DMBT1: variants seen among roughly 807,000 people sequenced by gnomAD.
DMBT1 encodes deleted in malignant brain tumors 1.
A neutral mutation model predicts 252.9 loss-of-function variants in DMBT1; 198 were observed. That is an observed-to-expected ratio of 0.78 (90% CI 0.70 to 0.88). The LOEUF (loss-of-function observed/expected upper bound fraction) is 0.88. Among genes scored for constraint, DMBT1 ranks in the 40% least tolerant of loss-of-function variants. The pLI is 0.00. For synonymous variants in DMBT1, 990 were observed against 942.7 expected, an observed-to-expected ratio of 1.05 and a Z score of -0.92; for missense variants, 2,432 against 2,404.7, an observed-to-expected ratio of 1.01 and a Z score of -0.24.
In DMBT1 at chr10:122,577,840, G is replaced by C; in HGVS notation, c.637G>C (p.Glu213Gln). The change falls in exon 8 of 56, where the codon GAA (glutamate) becomes CAA (glutamine). Residue 213 changes from glutamate (E) to glutamine (Q), a missense_variant and splice_region_variant. Glu to Gln is a conservative substitution (Grantham distance 29). Coordinates refer to ENST00000338354, the MANE Select transcript of DMBT1 (RefSeq NM_001377530.1). Reference protein sequence around the residue: ...AAQPQSTLRPESWPVRISPPV... With the variant: ...AAQPQSTLRPQSWPVRISPPV... ...CCAGCCTCAGTCAACACTCAGGCCA[G>C]GTGAGTCCCCAGAATCCTTCCTCGG... is the stretch of plus-strand genomic sequence containing the variant. The C allele has an allele frequency of 1.2e-6, 2 of 1,613,706 alleles. No individual in the cohort carries two copies. The highest frequency in any genetic ancestry group is 1.7e-6 in the Non-Finnish European group (2 of 1,179,734).
chr10:122,570,837 C>T (rs2097655164), intron 3 of DMBT1, 53 bp from the exon 4 acceptor site: 6 of 1,594,806 alleles, frequency 3.8e-6, no homozygotes, highest in South Asian at 1.1e-5. Context: ...ATGGACCAAC[C>T]CTCCCCAAAC....
chr10:122,568,978 C>T (rs3013233), intron 2 of DMBT1, among the ~76,000 whole-genome samples: 104,612 of 152,134 alleles, frequency 0.69, 36,168 homozygotes, highest in East Asian at 0.77. Flanking sequence ...AGTATGTGTG[C>T]GTACATATGT....
In DMBT1 at chr10:122,570,239, G is replaced by A. The variant is rs755159428; in HGVS notation, c.139+30G>A. ...GGTCTATTATGGGGGAACCCTGTGG[G>A]CTCATTACCCCACTGCACCCCTAGG... On this transcript the variant is annotated intron_variant, in intron 3 of 55. Transcript: ENST00000338354. The A allele has an allele frequency of 1.3e-5, 19 of 1,507,586 alleles. No individual in the cohort carries two copies. The African/African-American group carries it at 1.9e-4, about 15-fold the overall frequency. The allele number at this position is 1,507,586 out of a possible 1,614,324, so 93.4% of individuals were successfully genotyped here.
intron 2 of DMBT1, 31 bp from the exon 3 acceptor site, chr10:122,570,131 A>G (rs776385160): frequency 1.5e-5 from 24 of 1,577,152 alleles, no homozygotes; most frequent in Middle Eastern, 3.3e-4. Context: ...AAGGGCTACC[A>G]TCAATGAGCT....
At chr10:122,577,011 T>C (rs1179629224) in intron 7 of DMBT1, among the ~76,000 whole-genome samples, 1 of 152,192 alleles carries the variant, frequency 6.6e-6, no homozygotes, top group Non-Finnish European at 1.5e-5. Flanking sequence ...GGCCTGTGGG[T>C]ACAATGCCAC....
At chr10:122,600,549 A>G (rs71486620) in intron 27 of DMBT1, among the ~76,000 whole-genome samples, 41 of 152,270 alleles carry the variant, frequency 2.7e-4, no homozygotes, top group Middle Eastern at 6.8e-3. Context: ...GAAAAGGCAG[A>G]GTTTGTGCTT....
At position 122,619,380 on chromosome 10, in the gene DMBT1, T is replaced by A. The variant is rs555922192; in HGVS notation, c.5245+43T>A. 4.3e-6 allele frequency: 7 copies of A among 1,613,470 alleles called. No homozygotes were observed. The South Asian group carries it at 6.6e-5, about 15-fold the overall frequency. ...TTCATCGGGATGTCCCTTCTCTTTCTGCCCAGTTACCTCTTCCCCACTCCA... is the reference window on the plus strand; with the variant it reads ...TTCATCGGGATGTCCCTTCTCTTTCAGCCCAGTTACCTCTTCCCCACTCCA... On this transcript the variant is annotated intron_variant, in intron 42 of 55. Coordinates refer to ENST00000338354, the MANE Select transcript of DMBT1 (RefSeq NM_001377530.1).
rs371606822 is a variant in DMBT1, at chr10:122,625,303, G to A, written c.5635G>A (p.Asp1879Asn). 1.9e-5 allele frequency: 30 copies of A among 1,610,580 alleles called. No homozygotes were observed. Among genetic ancestry groups the A allele is most frequent in the Non-Finnish European group, 2.3e-5 (27 of 1,178,396 alleles). The change falls in exon 45 of 56, where the codon GAT (aspartate) becomes AAT (asparagine). Residue 1879 changes from aspartate to asparagine, a missense_variant and splice_region_variant. Around this residue, in one of 3 missense-constraint regions of DMBT1, gnomAD observed 1,162 missense variants for 1,169.0 expected, o/e 0.99. Transcript: ENST00000338354. The stretch of plus-strand genomic sequence containing the variant: ...CACCCAAATAAATTCTACTACGACA[G>A]GTGAGTCTGCTACACCCCAGTCCAG... The part of the protein sequence containing the change: ...SATQINSTTT[D>N]WWHPTTTTTA...
At chr10:122,624,802 C>T (rs2098103914) in intron 44 of DMBT1, among the ~76,000 whole-genome samples, 1 of 152,218 alleles carries the variant, frequency 6.6e-6, no homozygotes, top group African/African-American at 2.4e-5. Context: ...ATGGCTGGCT[C>T]TCCCACAGCT....
chr10:122,617,906 C>G (rs1248108792), intron 40 of DMBT1, 111 bp from the exon 41 acceptor site: 1 of 1,538,554 alleles, frequency 6.5e-7, no homozygotes, highest in Non-Finnish European at 8.8e-7. Context: ...GCAATTGTGA[C>G]TGCTTGCCCA....
intron 7 of DMBT1, 46 bp from the exon 8 acceptor site, chr10:122,577,765 A>G (rs1478028607): frequency 5.6e-6 from 9 of 1,610,734 alleles, no homozygotes; most frequent in South Asian, 2.2e-5. Flanking sequence ...CTCTACTTGG[A>G]GTCACTGAGT....
In DMBT1 at chr10:122,633,271, A is replaced by G. The variant is rs753271049; in HGVS notation, c.6478A>G (p.Asn2160Asp). 1 of 1,613,952 alleles carries G rather than the reference A, an allele frequency of 6.2e-7. No homozygotes were observed. Among genetic ancestry groups the G allele is most frequent in the Non-Finnish European group, 8.5e-7 (1 of 1,179,888 alleles). Reference protein sequence around the residue: ...SPFYPGNYPNNAKCVWDIEVQ... With the variant: ...SPFYPGNYPNDAKCVWDIEVQ... ...ATTCTATCCCGGGAACTATCCAAACAATGCCAAGTGTGTGTGGGACATTGA... is the reference window on the plus strand; with the variant it reads ...ATTCTATCCCGGGAACTATCCAAACGATGCCAAGTGTGTGTGGGACATTGA... The change falls in exon 52 of 56, where the codon AAT (asparagine) becomes GAT (aspartate). Residue 2160 changes from asparagine to aspartate, a missense_variant. Asn to Asp is a conservative substitution (Grantham distance 23, BLOSUM62 1). Coordinates refer to ENST00000338354, the MANE Select transcript of DMBT1 (RefSeq NM_001377530.1).
chr10:122,620,958 G>T (rs1010794887), intron 43 of DMBT1, 99 bp from the exon 44 acceptor site: 2 of 1,569,342 alleles, frequency 1.3e-6, no homozygotes, highest in Non-Finnish European at 8.6e-7. Flanking sequence ...ACCTGCACAC[G>T]TGACTTTGGC....
At chr10:122,588,287 T>G (rs2097810328) in intron 16 of DMBT1, among the ~76,000 whole-genome samples, 1 of 146,966 alleles carries the variant, frequency 6.8e-6, no homozygotes, top group South Asian at 2.3e-4. Flanking sequence ...GTGCATTGAG[T>G]GGGAGGAAGT....
Position 122,640,290 on chromosome 10 carries a change from T to G in DMBT1, c.7193T>G (p.Val2398Gly). 6.2e-7 allele frequency: 1 copy of G among 1,614,074 alleles called. No homozygotes were observed. Among genetic ancestry groups the G allele is most frequent in the Non-Finnish European group, 8.5e-7 (1 of 1,179,908 alleles). The change falls in exon 55 of 56, where the codon GTG becomes GGG. Residue 2398 changes from valine (V) to glycine (G), a missense_variant. Val to Gly is a moderately radical substitution (Grantham distance 109). Coordinates refer to ENST00000338354, the MANE Select transcript of DMBT1 (RefSeq NM_001377530.1). ...FYTSSSFLYP[V>G]TSRPYYVDLN... is the part of the protein sequence containing the mutation. ...ACTTCCTCATCTTTCTTGTATCCTG[T>G]GACCAGCCGCCCTTACTACGTGGAC...
intron 43 of DMBT1, among the ~76,000 whole-genome samples, 194 bp from the exon 44 acceptor site, chr10:122,620,863 A>G (rs1403648226): frequency 6.6e-6 from 1 of 152,208 alleles, no homozygotes; most frequent in Non-Finnish European, 1.5e-5. Context: ...TTGAGCTTCC[A>G]TAGACTTGGG....
chr10:122,624,537 C>A (rs2098100861), intron 44 of DMBT1, among the ~76,000 whole-genome samples: 1 of 152,118 alleles, frequency 6.6e-6, no homozygotes, highest in African/African-American at 2.4e-5. Context: ...TTTCTAGAAT[C>A]CAATTCTGGT....
chr10:122,588,599 G>T (rs1217588693), intron 16 of DMBT1, among the ~76,000 whole-genome samples: 2 of 148,746 alleles, frequency 1.3e-5, no homozygotes, highest in Non-Finnish European at 3.0e-5. Context: ...GACCATGGGG[G>T]TGCCACCTAA....
Position 122,640,151 on chromosome 10 carries a change from A to G in DMBT1, c.7054A>G (p.Asn2352Asp). The G allele has an allele frequency of 1.2e-6, 2 of 1,614,064 alleles. No individual in the cohort carries two copies. Among genetic ancestry groups the G allele is most frequent in the Non-Finnish European group, 1.7e-6 (2 of 1,179,900 alleles). ...TCACGTCAGCTGCAGAATGCTTCAG[A>G]ACACCTGGGTCGACACCATGTACAT... ...RIHVSCRMLQ[N>D]TWVDTMYIAN... The change falls in exon 55 of 56, where the codon AAC becomes GAC. Residue 2352 changes from asparagine (N) to aspartate (D), a missense_variant. Coordinates refer to ENST00000338354, the MANE Select transcript of DMBT1 (RefSeq NM_001377530.1).
Sources: gnomAD v4.1 joint callset for allele counts (sites outside exome capture counted in the v4.1 genomes callset) on GRCh38, gnomAD v4.1.1 for gene constraint, gnomAD v4.1.1 regional missense constraint, MANE v1.5 for transcripts, NCBI Gene and HGNC (gene_info 2026-07-23, HGNC 2026-07-21) for gene names.